The following IARS1 variants were observed in gnomAD, a reference collection of about 807,000 sequenced individuals.
IARS1 encodes the protein isoleucyl-tRNA synthetase 1.
IARS1 carries 124 observed loss-of-function variants against 168.2 expected under a neutral mutation model. That is an observed-to-expected ratio of 0.74 (90% CI 0.64 to 0.86). The LOEUF (loss-of-function observed/expected upper bound fraction) is 0.86. Ranked by LOEUF, IARS1 falls within the 40% of genes least tolerant of loss-of-function variation. The pLI, the probability that IARS1 is intolerant of heterozygous loss-of-function variation, is 0.00. For synonymous variants in IARS1, 532 were observed against 529.4 expected (o/e 1.00, Z -0.07); for missense variants, 1,452 against 1,515.8 (o/e 0.96, Z 0.70).
At chr9:92,214,335 C>T (rs1322628148) in intron 33 of IARS1, among the ~76,000 whole-genome samples, 1 of 152,012 alleles carries the variant, frequency 6.6e-6, no homozygotes, top group Non-Finnish European at 1.5e-5. Flanking sequence ...GTGGGTGGAT[C>T]ACCTGAGGTC....
chr9:92,256,700 A>C lies in IARS1; in HGVS notation c.2117T>G (p.Phe706Cys), dbSNP rs779128696. 1 of 1,613,666 alleles carries C rather than the reference A, an allele frequency of 6.2e-7. No individual in the cohort carries two copies. Among genetic ancestry groups the C allele is most frequent in the African/African-American group, 1.3e-5 (1 of 75,048 alleles). The stretch of plus-strand genomic sequence containing the variant: ...CTCACCTGCCATTTCAGTCTCAAAG[A>C]AGCCAATGAGAGACTGCATGAAGGA... ...ILSFMQSLIG[F>C]FETEMAAYRL... Residue 706 changes from phenylalanine (F) to cysteine (C), a missense_variant, in exon 20 of 34, where the codon TTC (phenylalanine) becomes TGC (cysteine). By Grantham distance (205) the Phe-to-Cys change is radical (BLOSUM62 -2). Transcript: ENST00000443024.
At chr9:92,250,091 A>AC (rs1317375771) in intron 24 of IARS1, 96 bp downstream of exon 24, 2 of 912,736 alleles carry the variant, frequency 2.2e-6, no homozygotes, top group Admixed American at 3.7e-5. Flanking sequence ...GAAAAGGAAA[A>AC]AGGCCATTGG....
intron 25 of IARS1, 122 bp from the exon 26 acceptor site, chr9:92,247,673 T>C: frequency 1.3e-6 from 1 of 786,300 alleles, no homozygotes; most frequent in East Asian, 2.7e-5. Flanking sequence ...CAAGTGTCCA[T>C]CAACTGTGAA....
intron 20 of IARS1, chr9:92,253,868 G>A (rs1338547782): frequency 6.3e-6 from 3 of 475,110 alleles, no homozygotes; most frequent in Non-Finnish European, 1.3e-5. Flanking sequence ...AAGACAAAAA[G>A]CACAATTCAG....
intron 9 of IARS1, 38 bp downstream of exon 9, chr9:92,277,825 T>C (rs376132160): frequency 5.8e-6 from 9 of 1,563,050 alleles, no homozygotes; most frequent in African/African-American, 4.1e-5. Flanking sequence ...AATAATCAGA[T>C]TGTGGAGAGC....
At chr9:92,292,011 C>A (rs1442052452) in intron 1 of IARS1, among the ~76,000 whole-genome samples, 1 of 138,134 alleles carries the variant, frequency 7.2e-6, no homozygotes, top group African/African-American at 3.0e-5. Flanking sequence ...AGAAGAGGAT[C>A]ATTCCTTTTT....
At chr9:92,248,084 T>C (rs912407722) in intron 25 of IARS1, among the ~76,000 whole-genome samples, 6 of 152,194 alleles carry the variant, frequency 3.9e-5, no homozygotes, top group Non-Finnish European at 7.3e-5. Flanking sequence ...CAGTTGAGCA[T>C]AACAGAAAAA....
At chr9:92,249,170 C>CT (rs1829662230) in intron 25 of IARS1, among the ~76,000 whole-genome samples, 1 of 152,190 alleles carries the variant, frequency 6.6e-6, no homozygotes, top group African/African-American at 2.4e-5. Flanking sequence ...GAGAGGCTCC[C>CT]TATGCTATTG....
intron 33 of IARS1, among the ~76,000 whole-genome samples, chr9:92,216,731 A>AAT (rs1838771144): frequency 8.6e-6 from 1 of 115,662 alleles, no homozygotes; most frequent in African/African-American, 3.2e-5. Context: ...AACTATCCTA[A>AAT]ATATATATGC....
intron 16 of IARS1, 84 bp from the exon 17 acceptor site, chr9:92,263,139 C>A: frequency 1.1e-6 from 1 of 952,262 alleles, no homozygotes. Context: ...CATTGAATTT[C>A]TATTTTTGAT....
intron 31 of IARS1, among the ~76,000 whole-genome samples, chr9:92,226,642 C>T (rs1311785555): frequency 2.0e-5 from 3 of 152,116 alleles, no homozygotes; most frequent in African/African-American, 4.8e-5. Flanking sequence ...GATGTGCTCC[C>T]TCTGAAACCT....
chr9:92,278,906 A>C (rs117221814), intron 7 of IARS1, among the ~76,000 whole-genome samples: 2 of 152,158 alleles, frequency 1.3e-5, no homozygotes, highest in African/African-American at 4.8e-5. Flanking sequence ...ATTGCTTTCA[A>C]ATTTTCACTA....
chr9:92,268,410 G>A, intron 13 of IARS1, 110 bp from the exon 14 acceptor site: 1 of 1,032,360 alleles, frequency 9.7e-7, no homozygotes. Flanking sequence ...AAACACTCTG[G>A]AAACGTGGCG....
At chr9:92,264,534 T>A (rs1299053375) in intron 16 of IARS1, among the ~76,000 whole-genome samples, 1 of 152,178 alleles carries the variant, frequency 6.6e-6, no homozygotes, top group East Asian at 1.9e-4. Flanking sequence ...CTAGCCTCAA[T>A]ATCTGAGCAC....
intron 8 of IARS1, 109 bp downstream of exon 8, chr9:92,278,090 A>C (rs1834019208): frequency 1.9e-6 from 2 of 1,075,372 alleles, no homozygotes; most frequent in African/African-American, 3.2e-5. Context: ...CTTAAAACTA[A>C]ATTTGAATAA....
chr9:92,282,395 C>T (rs746461487), intron 6 of IARS1, among the ~76,000 whole-genome samples: 1 of 151,854 alleles, frequency 6.6e-6, no homozygotes, highest in Admixed American at 6.6e-5. Flanking sequence ...CCCCACCTCC[C>T]AGGTTCAAGC....
chr9:92,257,121 C>A (rs1830839075), intron 19 of IARS1, among the ~76,000 whole-genome samples: 1 of 152,084 alleles, frequency 6.6e-6, no homozygotes. Flanking sequence ...CTTTAAACCT[C>A]AGGAAGGAAG....
At chr9:92,211,771 A>G (rs1226623815) in intron 33 of IARS1, among the ~76,000 whole-genome samples, 1 of 152,234 alleles carries the variant, frequency 6.6e-6, no homozygotes, top group African/African-American at 2.4e-5. Flanking sequence ...TATAATTTGA[A>G]GAACAGCTAT....
intron 30 of IARS1, 105 bp from the exon 31 acceptor site, chr9:92,229,231 TTCCTTTTCC>T: frequency 8.7e-7 from 1 of 1,153,088 alleles, no homozygotes. Context: ...CCTAATATTT[TTCCTTTTCC>T]CCCAACTATA....
Sources: allele counts gnomAD v4.1 joint callset (sites outside exome capture counted in the v4.1 genomes callset), GRCh38; gene constraint gnomAD v4.1.1; transcripts MANE v1.5; gene names NCBI Gene and HGNC (gene_info 2026-07-23, HGNC 2026-07-21).